Variants in MYO5B observed in about 807,000 individuals in gnomAD.
The protein encoded by MYO5B is unconventional myosin-Vb.
In MYO5B, 143 loss-of-function variants were observed where a neutral mutation model predicts 229.3. The observed-to-expected ratio is 0.62, with a 90% confidence interval of 0.54 to 0.72. The LOEUF (loss-of-function observed/expected upper bound fraction) is 0.72, where lower values mean the gene tolerates loss of function less well. MYO5B is among the 30% of genes least tolerant of loss of function. MYO5B has a pLI of 0.00. For missense variants in MYO5B, 2,321 were observed against 2,331.0 expected, an observed-to-expected ratio of 1.00 and a Z score of 0.09; for synonymous variants, 918 against 885.2, an observed-to-expected ratio of 1.04 and a Z score of -0.66.
intron 22 of MYO5B, among the ~76,000 whole-genome samples, chr18:49,893,624 G>T (rs1451726548): frequency 6.6e-6 from 1 of 152,200 alleles, no homozygotes; most frequent in Non-Finnish European, 1.5e-5. Context: ...CAGGAGTGTG[G>T]CCTTTTATGG....
rs941264083 is a variant in MYO5B at position 50,091,427 on chromosome 18, G to A, written c.28-36049C>T. Among the ~76,000 whole-genome samples the A allele has an allele frequency of 3.3e-5, 5 of 152,240 alleles. No homozygotes were observed. The East Asian group carries it at 9.6e-4, about 29-fold the overall frequency. ...TTGCATACCCATCCTTGCATTCTTG[G>A]AAATTTAATCACCTATTATTACTAT... On this transcript the variant is annotated intron_variant, in intron 1 of 39. Transcript: ENST00000285039.
At chr18:50,044,590 G>C (rs2030167547) in intron 2 of MYO5B, among the ~76,000 whole-genome samples, 1 of 152,162 alleles carries the variant, frequency 6.6e-6, no homozygotes, top group Non-Finnish European at 1.5e-5. Context: ...AGATGAGTGA[G>C]AGTGGCAGGA....
At chr18:50,184,152 C>T (rs1316863920) in intron 1 of MYO5B, among the ~76,000 whole-genome samples, 2 of 152,128 alleles carry the variant, frequency 1.3e-5, no homozygotes, top group Non-Finnish European at 1.5e-5. Flanking sequence ...ATGTGGATCT[C>T]GTTTGGGACT....
intron 31 of MYO5B, chr18:49,850,422 T>G (rs1008007500): frequency 1.9e-4 from 29 of 152,626 alleles, no homozygotes; most frequent in African/African-American, 7.0e-4. Flanking sequence ...TTGACAGGAG[T>G]TGGCCCAGTC....
intron 1 of MYO5B, among the ~76,000 whole-genome samples, chr18:50,086,921 T>C (rs921784490): frequency 2.0e-5 from 3 of 152,052 alleles, no homozygotes; most frequent in African/African-American, 7.2e-5. Context: ...TACAGCAACA[T>C]AGAACCAAAA....
intron 27 of MYO5B, among the ~76,000 whole-genome samples, chr18:49,865,854 G>A (rs1219121950): frequency 2.0e-5 from 3 of 152,114 alleles, no homozygotes; most frequent in Non-Finnish European, 4.4e-5. Flanking sequence ...GCACATCTGT[G>A]ACATTTCTAT....
chr18:49,872,188 A>G lies in MYO5B; in HGVS notation c.3582T>C (p.Asp1194=), dbSNP rs541626099. ...TTACCTTCAGACTATTGTAGGCCAGATCTGCATTCGGGTCCAAATCTATGT... is the reference window on the plus strand; with the variant it reads ...TTACCTTCAGACTATTGTAGGCCAGGTCTGCATTCGGGTCCAAATCTATGT... The part of the protein sequence containing the change: ...QTDIDLDPNA[D]LAYNSLKRQE... The change falls in exon 27 of 40, where the codon GAT becomes GAC. Residue 1194 remains aspartate, a synonymous_variant. Transcript: ENST00000285039. 3 of 1,614,118 alleles carry G rather than the reference A, an allele frequency of 1.9e-6. No individual in the cohort carries two copies. The South Asian group carries it at 3.3e-5, about 18-fold the overall frequency.
At chr18:49,978,339 G>A (rs561863098) in intron 9 of MYO5B, among the ~76,000 whole-genome samples, 3 of 152,258 alleles carry the variant, frequency 2.0e-5, no homozygotes, top group Admixed American at 6.5e-5. Flanking sequence ...AACGTTCTCC[G>A]GAGGCTGGGT....
chr18:50,106,566 G>C (rs1472206916), intron 1 of MYO5B, among the ~76,000 whole-genome samples: 1 of 152,098 alleles, frequency 6.6e-6, no homozygotes, highest in Non-Finnish European at 1.5e-5. Flanking sequence ...GGCCTTTACA[G>C]TATCCTCCCT....
At chr18:50,056,382 A>G (rs1229672945) in intron 1 of MYO5B, among the ~76,000 whole-genome samples, 1 of 152,176 alleles carries the variant, frequency 6.6e-6, no homozygotes, top group East Asian at 1.9e-4. Context: ...AGAGACACTA[A>G]TGAGTGCTGA....
chr18:49,901,135 T>C (rs1181413590), intron 21 of MYO5B, among the ~76,000 whole-genome samples: 3 of 152,218 alleles, frequency 2.0e-5, no homozygotes, highest in African/African-American at 7.2e-5. Context: ...TTAGGATCAA[T>C]GCTGTTCAGC....
intron 16 of MYO5B, among the ~76,000 whole-genome samples, chr18:49,930,207 T>C (rs926816583): frequency 2.0e-5 from 3 of 152,194 alleles, no homozygotes; most frequent in African/African-American, 7.2e-5. Flanking sequence ...TAATGGTCCC[T>C]GAAAGCAGGT....
chr18:50,141,891 A>G (rs1026396821), intron 1 of MYO5B, among the ~76,000 whole-genome samples: 5 of 152,202 alleles, frequency 3.3e-5, no homozygotes, highest in Non-Finnish European at 1.5e-5. Flanking sequence ...GGGGGTAAAG[A>G]CCAAAGTAGT....
intron 1 of MYO5B, among the ~76,000 whole-genome samples, chr18:50,102,327 G>C (rs959159377): frequency 6.6e-6 from 1 of 151,666 alleles, no homozygotes; most frequent in African/African-American, 2.4e-5. Flanking sequence ...AAACCTGTAC[G>C]TTCTGCATAC....
intron 1 of MYO5B, among the ~76,000 whole-genome samples, chr18:50,076,083 A>G (rs1259730532): frequency 2.0e-5 from 3 of 152,230 alleles, no homozygotes; most frequent in Non-Finnish European, 1.5e-5. Flanking sequence ...TAGTCTCAAA[A>G]GAAGTCACAG....
Position 50,040,144 on chromosome 18 carries a change from A to G in MYO5B, c.309T>C (p.Cys103=). 1 of 1,613,924 alleles carries G rather than the reference A, an allele frequency of 6.2e-7. No individual in the cohort carries two copies. Residue 103 remains cysteine (C), a splice_region_variant and synonymous_variant, in exon 3 of 40, where the codon TGT becomes TGC. Transcript: ENST00000285039. ...AGCCAACAGATGCCCCCCACTTACC[A>G]CAGTAAGTGTAGATATGGTTGGACT... ...FLESNHIYTY[C]GIVLVAINPY... is the part of the protein sequence containing the mutation.
intron 27 of MYO5B, 31 bp from the exon 28 acceptor site, chr18:49,864,411 AC>A (rs1213140131): frequency 1.2e-6 from 2 of 1,610,548 alleles, no homozygotes; most frequent in Admixed American, 3.3e-5. Flanking sequence ...CGCTGCCATT[AC>A]TCCCTGCCCT....
intron 22 of MYO5B, among the ~76,000 whole-genome samples, chr18:49,885,414 C>A (rs1196764235): frequency 6.6e-6 from 1 of 152,114 alleles, no homozygotes; most frequent in Non-Finnish European, 1.5e-5. Context: ...ACCATACAGA[C>A]CCCTGAGTAC....
chr18:50,092,527 G>A (rs996053884), intron 1 of MYO5B, among the ~76,000 whole-genome samples: 3 of 150,988 alleles, frequency 2.0e-5, no homozygotes, highest in Admixed American at 2.0e-4. Context: ...TTTGTTTTTT[G>A]TTTTTTTTTA....
Sources: allele counts gnomAD v4.1 joint callset (sites outside exome capture counted in the v4.1 genomes callset), GRCh38; gene constraint gnomAD v4.1.1; transcripts MANE v1.5; gene names NCBI Gene and HGNC (gene_info 2026-07-23, HGNC 2026-07-21).